DOP1B: variants seen among roughly 807,000 people sequenced by gnomAD.
DOP1B encodes the protein DOP1 leucine zipper like protein B.
In DOP1B, 174 loss-of-function variants were observed where a neutral mutation model predicts 233.5. That is an observed-to-expected ratio of 0.75 (90% CI 0.66 to 0.85). The LOEUF (loss-of-function observed/expected upper bound fraction) is 0.85, where lower values mean the gene tolerates loss of function less well. Ranked by LOEUF, DOP1B falls within the 40% of genes least tolerant of loss-of-function variation. DOP1B has a pLI of 0.00. For missense variants in DOP1B, 2,652 were observed against 2,846.6 expected, an observed-to-expected ratio of 0.93 and a Z score of 1.56; for synonymous variants, 1,190 against 1,185.6, an observed-to-expected ratio of 1.00 and a Z score of -0.08.
At chr21:36,236,499 G>A (rs1392579026) in intron 15 of DOP1B, among the ~76,000 whole-genome samples, 1 of 152,206 alleles carries the variant, frequency 6.6e-6, no homozygotes, top group Non-Finnish European at 1.5e-5. Flanking sequence ...CCCAGAATGA[G>A]TGATCTTGAC....
rs766558644 is a variant in DOP1B at position 36,227,815 on chromosome 21, G to C, written c.1603G>C (p.Val535Leu). Residue 535 changes from valine (V) to leucine (L), a missense_variant, in exon 13 of 37, where the codon GTG (valine) becomes CTG (leucine). Val to Leu is a conservative substitution (Grantham distance 32, BLOSUM62 1). Around this residue, in one of 3 missense-constraint regions of DOP1B, gnomAD observed 2,617 missense variants for 2,794.3 expected, o/e 0.94. Transcript: ENST00000691173. Reference protein sequence around the residue: ...LTHALKTCFKVLSKVQMPPSY... With the variant: ...LTHALKTCFKLLSKVQMPPSY... The stretch of plus-strand genomic sequence containing the variant: ...GCATGCCTTGAAGACGTGTTTCAAG[G>C]TGCTCAGCAAAGTCCAGATGCCTCC... 1.2e-6 allele frequency: 2 copies of C among 1,613,520 alleles called. No homozygotes were observed. Among genetic ancestry groups the C allele is most frequent in the Non-Finnish European group, 1.7e-6 (2 of 1,179,582 alleles).
chr21:36,270,272 G>T, intron 27 of DOP1B, 115 bp downstream of exon 27: 1 of 1,260,652 alleles, frequency 7.9e-7, no homozygotes. Flanking sequence ...CTTAAGGTAG[G>T]CTGGGTGCGG....
intron 27 of DOP1B, among the ~76,000 whole-genome samples, chr21:36,275,617 T>C (rs1414145389): frequency 1.1e-5 from 1 of 94,488 alleles, no homozygotes; most frequent in African/African-American, 4.2e-5. Flanking sequence ...AGAACTTGTC[T>C]CAAAAAAAAA....
At chr21:36,286,553 T>C (rs1410254802) in intron 32 of DOP1B, among the ~76,000 whole-genome samples, 1 of 151,512 alleles carries the variant, frequency 6.6e-6, no homozygotes, top group Non-Finnish European at 1.5e-5. Context: ...TGAGAATCAT[T>C]TGAACCCAGG....
In DOP1B at chr21:36,227,332, A is replaced by G. The variant is rs188059633; in HGVS notation, c.1474-354A>G. Among the ~76,000 whole-genome samples, 1,170 of 151,758 alleles carry G rather than the reference A, an allele frequency of 7.7e-3. 6 individuals carry two copies. The highest frequency in any genetic ancestry group is 0.02 in the African/African-American group (835 of 41,428). Reference sequence around the variant, plus strand: ...GGAGGCCAAGGTGGATGGATCACAAAGTCAGGAGATCGAGACCATCCTGGC... The same window carrying G: ...GGAGGCCAAGGTGGATGGATCACAAGGTCAGGAGATCGAGACCATCCTGGC... On this transcript the variant is annotated intron_variant, in intron 12 of 36. Transcript: ENST00000691173.
At chr21:36,214,367 A>T in intron 8 of DOP1B, 75 bp from the exon 9 acceptor site, 1 of 1,458,166 alleles carries the variant, frequency 6.9e-7, no homozygotes, top group Non-Finnish European at 9.4e-7. Flanking sequence ...AGTATTTAAC[A>T]ATTAGAATAG....
chr21:36,199,769 TC>T (rs2066339699), intron 3 of DOP1B, among the ~76,000 whole-genome samples: 1 of 152,218 alleles, frequency 6.6e-6, no homozygotes, highest in Admixed American at 6.5e-5. Context: ...CATGAACTCA[TC>T]CTTTTTTATG....
intron 2 of DOP1B, among the ~76,000 whole-genome samples, chr21:36,173,965 G>T (rs1471666944): frequency 6.6e-6 from 1 of 151,774 alleles, no homozygotes; most frequent in Admixed American, 6.6e-5. Context: ...CGGTTTCACA[G>T]AGCAGCCATG....
intron 2 of DOP1B, among the ~76,000 whole-genome samples, chr21:36,166,300 G>A (rs1483913805): frequency 6.6e-6 from 1 of 151,922 alleles, no homozygotes; most frequent in Non-Finnish European, 1.5e-5. Context: ...AGCCGGGCGT[G>A]GTGGCGAGCA....
At chr21:36,195,520 T>G (rs889490560) in intron 2 of DOP1B, among the ~76,000 whole-genome samples, 2 of 151,968 alleles carry the variant, frequency 1.3e-5, no homozygotes, top group Non-Finnish European at 2.9e-5. Context: ...GGTGACAGAG[T>G]GAGACCCTGT....
chr21:36,198,072 T>C, intron 2 of DOP1B, among the ~76,000 whole-genome samples: 1 of 148,838 alleles, frequency 6.7e-6, no homozygotes, highest in East Asian at 2.0e-4. Context: ...CTTCAGTAAA[T>C]ATTTGTGTGA....
At chr21:36,258,983 T>G (rs1221113341) in intron 23 of DOP1B, among the ~76,000 whole-genome samples, 2 of 150,058 alleles carry the variant, frequency 1.3e-5, no homozygotes, top group Non-Finnish European at 3.0e-5. Flanking sequence ...TTTTTTTTTT[T>G]TTTTTTTTTT....
At chr21:36,184,641 C>T (rs1046994078) in intron 2 of DOP1B, among the ~76,000 whole-genome samples, 3 of 152,250 alleles carry the variant, frequency 2.0e-5, no homozygotes, top group Non-Finnish European at 4.4e-5. Flanking sequence ...AACAGGCTAT[C>T]GTGGAGAGCT....
Position 36,233,639 on chromosome 21 carries a change from A to G in DOP1B, c.2622+564A>G, listed in dbSNP as rs113429867. Among the ~76,000 whole-genome samples, 152 of 152,280 alleles carry G rather than the reference A, an allele frequency of 1.0e-3. 1 individual carries two copies. The Middle Eastern group carries it at 0.01, about 10-fold the overall frequency. On this transcript the variant is annotated intron_variant, in intron 15 of 36. Coordinates refer to ENST00000691173, the MANE Select transcript of DOP1B (RefSeq NM_001320714.2). ...AAATGTCGTAGGTTTTCCGGAATAA[A>G]TGTTTCTTTATTTCCTGAATGTCCT...
chr21:36,224,648 T>C (rs890372500), intron 11 of DOP1B, among the ~76,000 whole-genome samples: 4 of 151,516 alleles, frequency 2.6e-5, no homozygotes, highest in Non-Finnish European at 5.9e-5. Flanking sequence ...TGGATCCTAT[T>C]ACAGTTAATT....
At chr21:36,250,900 A>G (rs538433785) in intron 21 of DOP1B, among the ~76,000 whole-genome samples, 2 of 152,236 alleles carry the variant, frequency 1.3e-5, no homozygotes, top group African/African-American at 4.8e-5. Context: ...CGAGCTGGCC[A>G]TCCGTCTCTC....
At chr21:36,288,687 A>T (rs548296253) in intron 33 of DOP1B, 69 bp from the exon 34 acceptor site, 1 of 1,199,566 alleles carries the variant, frequency 8.3e-7, no homozygotes, top group African/African-American at 1.6e-5. Flanking sequence ...TTTTAAAAAT[A>T]AGTAAAAAAA....
rs1755297484 is a variant in DOP1B at position 36,263,642 on chromosome 21, G to A, written c.5412G>A (p.Leu1804=). 1 of 1,613,844 alleles carries A rather than the reference G, an allele frequency of 6.2e-7. No homozygotes were observed. Residue 1804 remains leucine (L), a synonymous_variant, in exon 25 of 37, where the codon CTG becomes CTA. Transcript: ENST00000691173. ...ATCTAGCCCCACCTGGGTATTTTCT[G>A]CTTCTCAGGTATCATGTCACCACAT... is the stretch of plus-strand genomic sequence containing the variant. ...QLNLAPPGYF[L]LLSMLNDFVT...
At chr21:36,187,614 A>G (rs2066179284) in intron 2 of DOP1B, among the ~76,000 whole-genome samples, 1 of 147,736 alleles carries the variant, frequency 6.8e-6, no homozygotes, top group South Asian at 2.2e-4. Flanking sequence ...TTTATTTTTT[A>G]TTTTATTTTT....
Sources: gnomAD v4.1 joint callset for allele counts (sites outside exome capture counted in the v4.1 genomes callset) on GRCh38, gnomAD v4.1.1 for gene constraint, gnomAD v4.1.1 regional missense constraint, MANE v1.5 for transcripts, NCBI Gene and HGNC (gene_info 2026-07-23, HGNC 2026-07-21) for gene names.